The following FER variants were observed in gnomAD, a reference collection of about 807,000 sequenced individuals.
FER encodes tyrosine-protein kinase Fer.
A neutral mutation model predicts 111.0 loss-of-function variants in FER; 63 were observed. The observed-to-expected ratio is 0.57, with a 90% CI of 0.46 to 0.70. The LOEUF (loss-of-function observed/expected upper bound fraction) is 0.70. Among genes scored for constraint, FER ranks in the 30% least tolerant of loss-of-function variants. FER has a pLI of 0.00. For synonymous variants in FER, 327 were observed against 313.9 expected (o/e 1.04, Z -0.44); for missense variants, 914 against 954.0 (o/e 0.96, Z 0.55).
At chr5:109,164,810 C>A (rs1249134649) in intron 17 of FER, among the ~76,000 whole-genome samples, 1 of 152,068 alleles carries the variant, frequency 6.6e-6, no homozygotes, top group Non-Finnish European at 1.5e-5. Context: ...AACAGGAGAG[C>A]AACTTTGGCA....
chr5:109,174,939 G>A (rs1757521136), intron 17 of FER, among the ~76,000 whole-genome samples: 1 of 152,092 alleles, frequency 6.6e-6, no homozygotes, highest in African/African-American at 2.4e-5. Context: ...TGTGACCTTG[G>A]GCAAGTTGAT....
chr5:109,087,893 C>G (rs12153365), intron 16 of FER, among the ~76,000 whole-genome samples: 8,978 of 151,770 alleles, frequency 0.059, 653 homozygotes, highest in African/African-American at 0.17. Context: ...ATTTCTGTCC[C>G]AGGGACAGTC....
intron 10 of FER, among the ~76,000 whole-genome samples, chr5:108,925,556 T>A (rs746163376): frequency 6.6e-6 from 1 of 152,144 alleles, no homozygotes; most frequent in Non-Finnish European, 1.5e-5. Context: ...TGCATTCTCT[T>A]GAGTCCCTTA....
chr5:109,078,103 G>A (rs1776577628), intron 16 of FER, among the ~76,000 whole-genome samples: 1 of 152,156 alleles, frequency 6.6e-6, no homozygotes, highest in African/African-American at 2.4e-5. Flanking sequence ...ATCCAGGAGT[G>A]CTTCAGAATA....
intron 16 of FER, among the ~76,000 whole-genome samples, chr5:109,095,190 C>T (rs1392318762): frequency 6.6e-6 from 1 of 152,086 alleles, no homozygotes; most frequent in Admixed American, 6.6e-5. Flanking sequence ...GAAACCCACA[C>T]ATTCAGCTCT....
intron 10 of FER, 105 bp downstream of exon 10, chr5:108,897,953 T>C: frequency 2.8e-6 from 3 of 1,054,022 alleles, no homozygotes; most frequent in Non-Finnish European, 4.0e-6. Context: ...TTACTCTTGT[T>C]AATATGCAGG....
intron 17 of FER, among the ~76,000 whole-genome samples, chr5:109,122,048 C>G (rs759007256): frequency 6.6e-6 from 1 of 151,358 alleles, no homozygotes; most frequent in East Asian, 1.9e-4. Context: ...GTTTTGTTAG[C>G]CTTTTGTATT....
chr5:108,993,831 G>A (rs893278165), intron 13 of FER, among the ~76,000 whole-genome samples: 1 of 152,166 alleles, frequency 6.6e-6, no homozygotes, highest in Non-Finnish European at 1.5e-5. Context: ...TCTGACTGGT[G>A]TGAGATGGTA....
chr5:108,893,798 A>T (rs1055165913), intron 9 of FER, among the ~76,000 whole-genome samples: 1 of 152,112 alleles, frequency 6.6e-6, no homozygotes, highest in African/African-American at 2.4e-5. Context: ...TTCTAAGAGC[A>T]TAAAAATCAA....
At chr5:108,800,522 AT>A (rs1282596352) in intron 3 of FER, among the ~76,000 whole-genome samples, 1 of 151,722 alleles carries the variant, frequency 6.6e-6, no homozygotes, top group Non-Finnish European at 1.5e-5. Flanking sequence ...GGCTAATTTT[AT>A]TTTTTATTTT....
At chr5:108,955,809 A>G (rs1758348764) in intron 12 of FER, among the ~76,000 whole-genome samples, 3 of 151,832 alleles carry the variant, frequency 2.0e-5, no homozygotes. Context: ...TAGATAACTT[A>G]GTAACAGGTG....
At chr5:109,027,784 A>G (rs1371117792) in intron 13 of FER, among the ~76,000 whole-genome samples, 1 of 152,136 alleles carries the variant, frequency 6.6e-6, no homozygotes. Context: ...GACGTTGCTT[A>G]TTTGATAGTT....
At chr5:109,154,473 AAAAG>A (rs1755159964) in intron 17 of FER, among the ~76,000 whole-genome samples, 2 of 152,036 alleles carry the variant, frequency 1.3e-5, no homozygotes, top group South Asian at 2.1e-4. Context: ...TAGAGAGTAA[AAAAG>A]AAACCAAATC....
At chr5:108,897,952 T>G (rs1749396772) in intron 10 of FER, 104 bp downstream of exon 10, 1 of 1,067,672 alleles carries the variant, frequency 9.4e-7, no homozygotes, top group Non-Finnish European at 1.3e-6. Flanking sequence ...GTTACTCTTG[T>G]TAATATGCAG....
chr5:109,060,963 A>G (rs1774341637), intron 16 of FER, among the ~76,000 whole-genome samples: 2 of 152,160 alleles, frequency 1.3e-5, no homozygotes, highest in Admixed American at 1.3e-4. Flanking sequence ...ACTTTAACTC[A>G]GACTGAACCT....
chr5:108,864,219 A>G (rs914864022), intron 5 of FER, among the ~76,000 whole-genome samples: 1 of 152,188 alleles, frequency 6.6e-6, no homozygotes, highest in Admixed American at 6.5e-5. Flanking sequence ...TGGTGATTCT[A>G]GTATTTGTGA....
chr5:108,779,505 A>T (rs1274222421), intron 2 of FER, among the ~76,000 whole-genome samples: 1 of 152,124 alleles, frequency 6.6e-6, no homozygotes, highest in African/African-American at 2.4e-5. Context: ...CATCTTGAAC[A>T]TATTTTGTTA....
intron 8 of FER, among the ~76,000 whole-genome samples, chr5:108,874,253 G>C (rs1764877131): frequency 6.6e-6 from 1 of 152,076 alleles, no homozygotes; most frequent in African/African-American, 2.4e-5. Flanking sequence ...GACCAAAGAA[G>C]AATTTGTTTT....
intron 8 of FER, among the ~76,000 whole-genome samples, chr5:108,878,858 A>G (rs1765358713): frequency 6.6e-6 from 1 of 152,128 alleles, no homozygotes; most frequent in Non-Finnish European, 1.5e-5. Flanking sequence ...TATATATGGG[A>G]TAAATTCTAG....
Sources: allele counts gnomAD v4.1 joint callset (sites outside exome capture counted in the v4.1 genomes callset), GRCh38; gene constraint gnomAD v4.1.1; transcripts MANE v1.5; gene names NCBI Gene and HGNC (gene_info 2026-07-23, HGNC 2026-07-21).